GK: variants seen among roughly 807,000 people sequenced by gnomAD.
The protein encoded by GK is glycerol kinase.
Under a neutral mutation model 56.4 loss-of-function variants are expected in GK, and 9 were observed. The observed-to-expected ratio is 0.16, with a 90% confidence interval of 0.10 to 0.28. GK has a LOEUF of 0.28. Ranked by LOEUF, GK falls within the 10% of genes least tolerant of loss-of-function variation. The pLI, the probability that GK is intolerant of heterozygous loss-of-function variation, is 1.00. For missense variants in GK, 161 were observed against 431.4 expected, an observed-to-expected ratio of 0.37 and a Z score of 5.55; for synonymous variants, 104 against 144.1, an observed-to-expected ratio of 0.72 and a Z score of 1.99.
chrX:30,712,890 A>G lies in GK; in HGVS notation c.975+4756A>G, dbSNP rs1220689401. Among the ~76,000 whole-genome samples, 3 of 108,205 alleles carry G rather than the reference A, an allele frequency of 2.8e-5. No homozygotes were observed. In the South Asian group the frequency reaches 1.2e-3, roughly 44 times the overall value. The allele number at this position is 108,205 out of a possible 115,157, so 94.0% of individuals were successfully genotyped here. ...CAGATGCCCACCACCATGCCCGGCT[A>G]ATTTTTTGTATTTTTAGTAAAGACT... On this transcript the variant is annotated intron_variant, in intron 13 of 20. Coordinates refer to ENST00000427190, the MANE Select transcript of GK (RefSeq NM_001205019.2).
At chrX:30,671,027 C>T (rs1309826339) in intron 3 of GK, among the ~76,000 whole-genome samples, 1 of 108,299 alleles carries the variant, frequency 9.2e-6, no homozygotes, top group Admixed American at 1.0e-4. Context: ...CAGTGGCTCA[C>T]GCGTGTAATC....
At chrX:30,665,726 T>C (rs1301472286) in intron 2 of GK, 142 bp downstream of exon 2, 7 of 457,713 alleles carry the variant, frequency 1.5e-5, no homozygotes, top group African/African-American at 4.8e-5. Flanking sequence ...CAAGAAAATA[T>C]GCAATAACTT....
chrX:30,709,366 A>G (rs1936202557), intron 13 of GK, among the ~76,000 whole-genome samples: 1 of 111,656 alleles, frequency 9.0e-6, no homozygotes, highest in Admixed American at 9.5e-5. Flanking sequence ...TAGCCATCCA[A>G]CTTCTATCTG....
chrX:30,654,638 A>T (rs924178743), intron 1 of GK, among the ~76,000 whole-genome samples: 3 of 110,864 alleles, frequency 2.7e-5, no homozygotes, highest in Non-Finnish European at 5.7e-5. Flanking sequence ...CAGGAGAATC[A>T]CTTGGACCCG....
Position 30,720,914 on chromosome X carries a change from G to T in GK, c.1420G>T (p.Gly474Ter). The T allele has an allele frequency of 8.3e-7, 1 of 1,211,467 alleles. No homozygotes were observed. Among genetic ancestry groups the T allele is most frequent in the Non-Finnish European group, 1.1e-6 (1 of 895,081 alleles). Reference protein sequence around the residue: ...GAAMAAGAAEGVGVWSLEPED... With the variant: ...GAAMAAGAAE The stretch of plus-strand genomic sequence containing the variant: ...GGCTATGGCGGCAGGGGCTGCAGAA[G>T]GAGTCGGCGTATGGAGTCTCGAACC... The change falls in exon 18 of 21, where the codon GGA (glycine) becomes TGA (stop). Residue 474 changes from glycine (G) to a stop codon, truncating the protein, a stop_gained. Coordinates refer to ENST00000427190, the MANE Select transcript of GK (RefSeq NM_001205019.2). LOFTEE classifies it high-confidence loss of function.
intron 6 of GK, among the ~76,000 whole-genome samples, 160 bp from the exon 7 acceptor site, chrX:30,695,882 A>G (rs1212158285): frequency 1.8e-5 from 2 of 112,860 alleles, no homozygotes; most frequent in Non-Finnish European, 3.7e-5. Context: ...AGCATGGAAT[A>G]TACACCAGAT....
At chrX:30,670,925 G>T (rs1933443400) in intron 3 of GK, among the ~76,000 whole-genome samples, 1 of 109,781 alleles carries the variant, frequency 9.1e-6, no homozygotes, top group Non-Finnish European at 1.9e-5. Context: ...AGAGGTTGTG[G>T]TGAGCCGAGA....
chrX:30,709,642 G>A (rs748812535), intron 13 of GK, among the ~76,000 whole-genome samples: 1 of 111,457 alleles, frequency 9.0e-6, no homozygotes, highest in African/African-American at 3.3e-5. Flanking sequence ...TCAATAGGAT[G>A]ATTTGTGCCT....
Position 30,720,658 on chromosome X carries a change from T to C in GK, c.1274T>C (p.Leu425Pro). Residue 425 changes from leucine to proline, a missense_variant, in exon 17 of 21, where the codon CTC (leucine) becomes CCC (proline). Coordinates refer to ENST00000427190, the MANE Select transcript of GK (RefSeq NM_001205019.2). ...ATGAATCGAGACTGTGGAATTCCACTCAGTCATTTGCAGGTAGATGGAGGA... is the reference window on the plus strand; with the variant it reads ...ATGAATCGAGACTGTGGAATTCCACCCAGTCATTTGCAGGTAGATGGAGGA... Reference protein sequence around the residue: ...DAMNRDCGIPLSHLQVDGGMT... With the variant: ...DAMNRDCGIPPSHLQVDGGMT... 1.7e-6 allele frequency: 2 copies of C among 1,202,857 alleles called. No individual in the cohort carries two copies. The highest frequency in any genetic ancestry group is 2.3e-6 in the Non-Finnish European group (2 of 887,237).
chrX:30,702,701 T>A (rs1935754979), intron 11 of GK, among the ~76,000 whole-genome samples: 1 of 112,680 alleles, frequency 8.9e-6, no homozygotes. Flanking sequence ...AAGATTTCCA[T>A]ATAACTGGCA....
At chrX:30,715,612 TC>T (rs1936577118) in intron 13 of GK, among the ~76,000 whole-genome samples, 1 of 111,965 alleles carries the variant, frequency 8.9e-6, no homozygotes, top group African/African-American at 3.2e-5. Context: ...ACAGTCACCT[TC>T]TTTTATCATT....
At chrX:30,718,719 A>C in intron 14 of GK, 103 bp downstream of exon 14, 5 of 526,984 alleles carry the variant, frequency 9.5e-6, no homozygotes, top group Non-Finnish European at 1.7e-5. Flanking sequence ...AATGTGATCC[A>C]TAAATTATAT....
At chrX:30,696,355 G>A (rs1935233094) in intron 7 of GK, among the ~76,000 whole-genome samples, 1 of 111,769 alleles carries the variant, frequency 8.9e-6, no homozygotes. Flanking sequence ...TATTCTTCAC[G>A]GAAGTTTAGG....
intron 11 of GK, among the ~76,000 whole-genome samples, chrX:30,701,711 T>C (rs1463161688): frequency 8.9e-6 from 1 of 112,605 alleles, no homozygotes; most frequent in Non-Finnish European, 1.9e-5. Flanking sequence ...TTATCTGAAG[T>C]TTCTCCTTTG....
At chrX:30,684,573 G>A (rs1385965432) in intron 4 of GK, among the ~76,000 whole-genome samples, 1 of 106,953 alleles carries the variant, frequency 9.3e-6, no homozygotes, top group Non-Finnish European at 1.9e-5. Context: ...GGCTGAGGCG[G>A]GAGAATCGCT....
In GK at chrX:30,728,744, A is replaced by G. The variant is rs1937245473; in HGVS notation, c.*2A>G. Reference sequence around the variant, plus strand: ...TTCCCCATTTCAGGTATTCCATAAAACCTACCAACTCATGGATTCCCAAGA... The same window carrying G: ...TTCCCCATTTCAGGTATTCCATAAAGCCTACCAACTCATGGATTCCCAAGA... On this transcript the variant is annotated 3_prime_UTR_variant, in exon 21 of 21. Coordinates refer to ENST00000427190, the MANE Select transcript of GK (RefSeq NM_001205019.2). 2.6e-6 allele frequency: 3 copies of G among 1,159,461 alleles called. No individual in the cohort carries two copies. The highest frequency in any genetic ancestry group is 4.4e-5 in the Admixed American group (2 of 45,622).
At chrX:30,662,870 TCTTTCTTTCTTTC>T (rs1932827814) in intron 1 of GK, among the ~76,000 whole-genome samples, 1 of 2,325 alleles carries the variant, frequency 4.3e-4, no homozygotes, top group South Asian at 0.042. Flanking sequence ...TCTTTCTTTC[TCTTTCTTTCTTTC>T]TTTCTTTCTT....
rs765953215 is a variant in GK at position 30,663,923 on chromosome X, GCTCT to G, written c.79-1577_79-1574del. ...TGGAAACAATATATATGAAAAACTT[GCTCT>G]CTCTCTCTCTGTATATATATAGATA... On this transcript the variant is annotated intron_variant, in intron 1 of 20. Transcript: ENST00000427190. Among the ~76,000 whole-genome samples, 321 of 89,045 alleles carry G rather than the reference GCTCT, an allele frequency of 3.6e-3. 2 individuals carry two copies. The highest frequency in any genetic ancestry group is 0.012 in the African/African-American group (305 of 24,776). 77.3% of individuals were successfully genotyped at this position (89,045 alleles called of 115,157 possible).
intron 19 of GK, 105 bp from the exon 20 acceptor site, chrX:30,727,361 C>T: frequency 2.0e-6 from 1 of 512,470 alleles, no homozygotes; most frequent in Admixed American, 2.9e-5. Flanking sequence ...ATTTTTATAG[C>T]TTATTTTGTT....
Sources: allele counts gnomAD v4.1 joint callset (sites outside exome capture counted in the v4.1 genomes callset), GRCh38; gene constraint gnomAD v4.1.1; transcripts MANE v1.5; gene names NCBI Gene and HGNC (gene_info 2026-07-23, HGNC 2026-07-21).